TENT4B: variants seen among roughly 807,000 people sequenced by gnomAD.
TENT4B encodes terminal nucleotidyltransferase 4B.
A neutral mutation model predicts 75.0 loss-of-function variants in TENT4B; 10 were observed. The ratio of observed to expected loss-of-function variants is 0.13; its 90% CI spans 0.08 to 0.23. TENT4B has a LOEUF of 0.23. Ranked by LOEUF, TENT4B falls within the 10% of genes least tolerant of loss-of-function variation. The pLI, the probability that TENT4B is intolerant of heterozygous loss-of-function variation, is 1.00. For missense variants in TENT4B, 579 were observed against 893.8 expected (o/e 0.65, Z 4.49); for synonymous variants, 350 against 357.7 (o/e 0.98, Z 0.24).
chr16:50,226,493 G>A (rs1022776728), intron 10 of TENT4B, among the ~76,000 whole-genome samples: 7 of 151,868 alleles, frequency 4.6e-5, no homozygotes, highest in South Asian at 4.2e-4. Context: ...GTGCAGTGGC[G>A]CGATCTTGGC....
chr16:50,230,448 C>T lies in TENT4B; in HGVS notation c.*1120C>T, dbSNP rs2032254368. ...TCTCTTATTCTTTTTAAAATTCATG[C>T]TTAACTACTGTGGGAGAATAACTGT... On this transcript the variant is annotated 3_prime_UTR_variant, in exon 12 of 12. Transcript: ENST00000561678. 7 of 985,556 alleles carry T rather than the reference C, an allele frequency of 7.1e-6. No individual in the cohort carries two copies. Among genetic ancestry groups the T allele is most frequent in the Non-Finnish European group, 7.2e-6 (6 of 829,684 alleles). 61.1% of individuals were successfully genotyped at this position (985,556 alleles called of 1,614,324 possible). A position where few individuals can be genotyped will look rare whatever the true frequency, so the allele number is the denominator to read the frequency against.
Position 50,224,525 on chromosome 16 carries a change from CT to C in TENT4B, c.1382-131del, listed in dbSNP as rs2031962275. 3 of 1,102,614 alleles carry C rather than the reference CT, an allele frequency of 2.7e-6. No homozygotes were observed. In the African/African-American group the frequency reaches 4.7e-5, roughly 17 times the overall value. The allele number at this position is 1,102,614 out of a possible 1,614,324, so 68.3% of individuals were successfully genotyped here. ...AGAGACTGGGGAGCTTTGGGGACAGCTCACAGCTCAGCTTCCAGGCACAACT... is the reference window on the plus strand; with the variant it reads ...AGAGACTGGGGAGCTTTGGGGACAGCCACAGCTCAGCTTCCAGGCACAACT... On this transcript the variant is annotated intron_variant, in intron 7 of 11. Coordinates refer to ENST00000561678, the MANE Select transcript of TENT4B (RefSeq NM_001365324.3).
chr16:50,175,535 A>T (rs2038290192), intron 1 of TENT4B, among the ~76,000 whole-genome samples: 1 of 152,102 alleles, frequency 6.6e-6, no homozygotes, highest in African/African-American at 2.4e-5. Context: ...GCCAGGCTGA[A>T]GTGCAGTGGC....
intron 1 of TENT4B, among the ~76,000 whole-genome samples, chr16:50,196,377 G>T (rs965957497): frequency 2.0e-5 from 3 of 151,988 alleles, no homozygotes; most frequent in African/African-American, 7.2e-5. Context: ...TTATAGTAGT[G>T]GGCTTTTGTT....
chr16:50,172,795 C>T (rs913782567), intron 1 of TENT4B, among the ~76,000 whole-genome samples: 1 of 152,118 alleles, frequency 6.6e-6, no homozygotes, highest in South Asian at 2.1e-4. Context: ...TAAAAATCCC[C>T]TTTGTTCCAC....
chr16:50,193,310 C>T (rs1333182470), intron 1 of TENT4B, among the ~76,000 whole-genome samples: 3 of 150,902 alleles, frequency 2.0e-5, no homozygotes, highest in African/African-American at 7.3e-5. Context: ...GAGTGGTGGG[C>T]CCATAGCAGC....
chr16:50,162,431 A>G (rs746888390), intron 1 of TENT4B, among the ~76,000 whole-genome samples: 15 of 152,182 alleles, frequency 9.9e-5, no homozygotes, highest in Admixed American at 3.3e-4. Flanking sequence ...CCTATCAACA[A>G]TATATGAGAT....
At chr16:50,203,751 T>C (rs777242115) in intron 1 of TENT4B, among the ~76,000 whole-genome samples, 3 of 152,188 alleles carry the variant, frequency 2.0e-5, no homozygotes, top group African/African-American at 4.8e-5. Context: ...TCTGTGGACA[T>C]TGGGGTGGGT....
At chr16:50,219,484 G>A (rs1015286260) in intron 5 of TENT4B, among the ~76,000 whole-genome samples, 6 of 152,104 alleles carry the variant, frequency 3.9e-5, no homozygotes, top group African/African-American at 1.4e-4. Flanking sequence ...TATTGTTCCA[G>A]TTTTCTTTTG....
At chr16:50,224,519 G>T in intron 7 of TENT4B, 138 bp from the exon 8 acceptor site, 1 of 983,692 alleles carries the variant, frequency 1.0e-6, no homozygotes, top group Non-Finnish European at 1.5e-6. Context: ...GGAGCTTTGG[G>T]GACAGCTCAC....
upstream of TENT4B, among the ~76,000 whole-genome samples, chr16:50,153,254 G>T (rs868475837): frequency 6.9e-6 from 1 of 144,996 alleles, no homozygotes; most frequent in Non-Finnish European, 1.5e-5. Flanking sequence ...GAGCGAGGAC[G>T]CTACGGAGCA....
chr16:50,223,116 C>T, intron 6 of TENT4B, 58 bp from the exon 7 acceptor site: 1 of 1,321,264 alleles, frequency 7.6e-7, no homozygotes, highest in Non-Finnish European at 1.1e-6. Flanking sequence ...TAATTTATTC[C>T]CCCTCTCCTT....
At chr16:50,185,297 A>G (rs1166320293) in intron 1 of TENT4B, among the ~76,000 whole-genome samples, 1 of 152,144 alleles carries the variant, frequency 6.6e-6, no homozygotes, top group African/African-American at 2.4e-5. Context: ...CCTTACTTCT[A>G]ATGGGGATTA....
intron 1 of TENT4B, among the ~76,000 whole-genome samples, chr16:50,207,327 G>A (rs781687253): frequency 3.9e-5 from 6 of 151,900 alleles, no homozygotes; most frequent in Non-Finnish European, 7.4e-5. Context: ...GATTACAGGC[G>A]TGCACCATCA....
At chr16:50,182,312 G>A (rs948255688) in intron 1 of TENT4B, among the ~76,000 whole-genome samples, 6 of 152,092 alleles carry the variant, frequency 3.9e-5, no homozygotes, top group East Asian at 1.9e-4. Context: ...TGTGCTCTGC[G>A]TTTTCTTTGG....
At chr16:50,224,604 A>G in intron 7 of TENT4B, 53 bp from the exon 8 acceptor site, 1 of 1,604,440 alleles carries the variant, frequency 6.2e-7, no homozygotes, top group South Asian at 1.1e-5. Flanking sequence ...ATCAACATTT[A>G]GTGCATATTA....
intron 5 of TENT4B, among the ~76,000 whole-genome samples, chr16:50,218,906 T>G (rs2031697193): frequency 6.6e-6 from 1 of 152,226 alleles, no homozygotes; most frequent in African/African-American, 2.4e-5. Context: ...TCCTTTGGCT[T>G]CTGTTAGAAT....
rs1255435323 is a variant in TENT4B, at chr16:50,223,332, T to C, written c.1326T>C (p.Asn442=). 6.2e-7 allele frequency: 1 copy of C among 1,613,624 alleles called. No homozygotes were observed. The highest frequency in any genetic ancestry group is 8.5e-7 in the Non-Finnish European group (1 of 1,179,794). ...SYVAKDEVQK[N]MLDGYRPSML... ...TGGCCAAAGATGAAGTACAGAAAAA[T>C]ATGCTAGATGGCTACAGGCCATCAA... The change falls in exon 7 of 12, where the codon AAT becomes AAC. Residue 442 remains asparagine, a synonymous_variant. Coordinates refer to ENST00000561678, the MANE Select transcript of TENT4B (RefSeq NM_001365324.3).
At chr16:50,216,877 A>AT (rs987354358) in intron 4 of TENT4B, among the ~76,000 whole-genome samples, 5 of 152,116 alleles carry the variant, frequency 3.3e-5, no homozygotes, top group African/African-American at 1.2e-4. Context: ...AAGTTAGGCC[A>AT]TTTTTTGAAA....
Sources: gnomAD v4.1 joint callset for allele counts (sites outside exome capture counted in the v4.1 genomes callset) on GRCh38, gnomAD v4.1.1 for gene constraint, MANE v1.5 for transcripts, NCBI Gene and HGNC (gene_info 2026-07-23, HGNC 2026-07-21) for gene names.